DCAF1: variants seen among roughly 807,000 people sequenced by gnomAD.
DCAF1 encodes DDB1 and CUL4 associated factor 1.
In DCAF1, 15 loss-of-function variants were observed where a neutral mutation model predicts 128.0. The ratio of observed to expected loss-of-function variants is 0.12; its 90% CI spans 0.08 to 0.18. The LOEUF is 0.18. DCAF1 is among the 10% of genes least tolerant of loss of function. DCAF1 has a pLI of 1.00. For missense variants in DCAF1, 988 were observed against 1,649.5 expected (o/e 0.60, Z 6.95); for synonymous variants, 610 against 603.0 (o/e 1.01, Z -0.17).
At chr3:51,406,362 A>AC (rs2090111232) in intron 23 of DCAF1, among the ~76,000 whole-genome samples, 2 of 151,272 alleles carry the variant, frequency 1.3e-5, no homozygotes, top group Admixed American at 1.3e-4. Flanking sequence ...AAAAAAAAAA[A>AC]AAACCAAATT....
intron 6 of DCAF1, among the ~76,000 whole-genome samples, chr3:51,461,806 G>T (rs772661153): frequency 6.6e-6 from 1 of 151,916 alleles, no homozygotes; most frequent in East Asian, 1.9e-4. Context: ...GCAAACTATC[G>T]CAAGGACAAA....
upstream of DCAF1, chr3:51,500,022 C>T (rs1376698458): frequency 1.3e-5 from 2 of 148,660 alleles, no homozygotes; most frequent in Non-Finnish European, 3.0e-5. Flanking sequence ...TTATGCGTCA[C>T]TCGCGCGCTA....
intron 16 of DCAF1, 95 bp from the exon 17 acceptor site, chr3:51,418,293 T>C (rs1299860889): frequency 2.0e-6 from 3 of 1,508,036 alleles, no homozygotes; most frequent in Non-Finnish European, 2.7e-6. Flanking sequence ...TGCATAAAAA[T>C]GTTGTTGAAT....
intron 24 of DCAF1, among the ~76,000 whole-genome samples, chr3:51,401,131 C>CAAAAA (rs57102954): frequency 3.0e-5 from 2 of 67,266 alleles, no homozygotes; most frequent in Non-Finnish European, 6.0e-5. Flanking sequence ...GACTCCATCT[C>CAAAAA]AAAAAAAAAA....
chr3:51,432,919 T>C (rs1035046621), intron 10 of DCAF1, among the ~76,000 whole-genome samples, 187 bp downstream of exon 10: 4 of 152,212 alleles, frequency 2.6e-5, no homozygotes, highest in Non-Finnish European at 4.4e-5. Context: ...AATAGAACCA[T>C]TTCTAAACAA....
intron 14 of DCAF1, among the ~76,000 whole-genome samples, chr3:51,421,334 G>A (rs911139970): frequency 2.0e-5 from 3 of 152,262 alleles, no homozygotes; most frequent in South Asian, 2.1e-4. Context: ...TTGGCTCACT[G>A]CAACCTCCGC....
intron 21 of DCAF1, 59 bp from the exon 22 acceptor site, chr3:51,413,125 C>G: frequency 6.2e-7 from 1 of 1,603,258 alleles, no homozygotes; most frequent in Non-Finnish European, 8.5e-7. Context: ...CTAAAACCTG[C>G]TTTTCCTCTA....
At position 51,398,733 on chromosome 3, in the gene DCAF1, G is replaced by C. The variant is rs1489410028; in HGVS notation, c.*36C>G. ...CTGAATTCATTTGACTCAGTTTCTC[G>C]CCTGCCAAGAATCTCTTCCAAGCAG... On this transcript the variant is annotated 3_prime_UTR_variant, in exon 25 of 25. Coordinates refer to ENST00000684031, the MANE Select transcript of DCAF1 (RefSeq NM_001387579.1). 1 of 1,568,662 alleles carries C rather than the reference G, an allele frequency of 6.4e-7. No homozygotes were observed. The highest frequency in any genetic ancestry group is 8.6e-7 in the Non-Finnish European group (1 of 1,156,472).
intron 1 of DCAF1, among the ~76,000 whole-genome samples, chr3:51,497,856 A>G (rs1255494422): frequency 1.3e-5 from 2 of 151,834 alleles, no homozygotes; most frequent in African/African-American, 2.4e-5. Context: ...CGAGACCATC[A>G]TGGCTAACAC....
intron 6 of DCAF1, among the ~76,000 whole-genome samples, chr3:51,444,342 A>G (rs1484693066): frequency 6.6e-6 from 1 of 151,020 alleles, no homozygotes; most frequent in African/African-American, 2.4e-5. Flanking sequence ...TTAGCCCCAC[A>G]TATCAGAACC....
intron 19 of DCAF1, 39 bp downstream of exon 19, chr3:51,414,585 G>A (rs1698714728): frequency 6.2e-7 from 1 of 1,600,888 alleles, no homozygotes; most frequent in Non-Finnish European, 8.5e-7. Context: ...CCACAAACCA[G>A]ACAACAAATG....
chr3:51,502,138 C>T (rs183225662), upstream of DCAF1, among the ~76,000 whole-genome samples: 6 of 152,266 alleles, frequency 3.9e-5, no homozygotes, highest in African/African-American at 9.6e-5. Flanking sequence ...GTGACTTCTC[C>T]GCTGGCTGGG....
intron 6 of DCAF1, among the ~76,000 whole-genome samples, chr3:51,456,213 C>T (rs1027961235): frequency 6.6e-6 from 1 of 152,216 alleles, no homozygotes; most frequent in Non-Finnish European, 1.5e-5. Context: ...GACCCTAATA[C>T]TGCGCTTTTC....
At chr3:51,439,101 C>T (rs1421519850) in intron 9 of DCAF1, among the ~76,000 whole-genome samples, 25 of 152,072 alleles carry the variant, frequency 1.6e-4, no homozygotes, top group Admixed American at 1.6e-3. Flanking sequence ...CTATGTTTAG[C>T]CCCTGTGAAA....
intron 1 of DCAF1, among the ~76,000 whole-genome samples, chr3:51,498,474 A>C (rs1553662519): frequency 6.6e-6 from 1 of 152,030 alleles, no homozygotes; most frequent in Non-Finnish European, 1.5e-5. Flanking sequence ...GTAGTGGCTC[A>C]TGTCTGTAAT....
chr3:51,479,238 C>T (rs977971013), intron 3 of DCAF1, among the ~76,000 whole-genome samples: 1 of 152,172 alleles, frequency 6.6e-6, no homozygotes, highest in Non-Finnish European at 1.5e-5. Flanking sequence ...TGGTGGCTCA[C>T]GCCTATAATC....
intron 6 of DCAF1, among the ~76,000 whole-genome samples, chr3:51,459,860 T>A (rs1254902820): frequency 2.0e-5 from 3 of 152,106 alleles, no homozygotes; most frequent in Admixed American, 1.3e-4. Flanking sequence ...TTCAACAACC[T>A]TCATGCTAAA....
At chr3:51,438,747 G>C (rs990045906) in intron 9 of DCAF1, among the ~76,000 whole-genome samples, 3 of 152,158 alleles carry the variant, frequency 2.0e-5, no homozygotes, top group Admixed American at 2.0e-4. Context: ...GAGTAGCTGG[G>C]ATTATAGGCA....
chr3:51,407,429 A>C (rs910189621), intron 23 of DCAF1, among the ~76,000 whole-genome samples: 5 of 152,188 alleles, frequency 3.3e-5, no homozygotes, highest in African/African-American at 1.2e-4. Context: ...GGTGTGTGTA[A>C]TCAGTAAAGA....
Sources: gnomAD v4.1 joint callset for allele counts (sites outside exome capture counted in the v4.1 genomes callset) on GRCh38, gnomAD v4.1.1 for gene constraint, MANE v1.5 for transcripts, NCBI Gene and HGNC (gene_info 2026-07-23, HGNC 2026-07-21) for gene names.